The following NLGN1 variants were observed in gnomAD, a reference collection of about 807,000 sequenced individuals.
NLGN1 encodes neuroligin 1, also known as neuroligin-1.
NLGN1 carries 12 observed loss-of-function variants against 65.5 expected under a neutral mutation model. The ratio of observed to expected loss-of-function variants is 0.18; its 90% CI spans 0.12 to 0.30. The LOEUF is 0.30. Among genes scored for constraint, NLGN1 ranks in the 10% least tolerant of loss-of-function variants. The pLI is 1.00. For synonymous variants in NLGN1, 350 were observed against 359.5 expected (o/e 0.97, Z 0.30); for missense variants, 750 against 1,007.1 (o/e 0.74, Z 3.46).
intron 3 of NLGN1, among the ~76,000 whole-genome samples, chr3:173,734,114 G>T (rs1479216387): frequency 6.6e-6 from 1 of 151,970 alleles, no homozygotes; most frequent in Non-Finnish European, 1.5e-5. Flanking sequence ...TATTCCTGCA[G>T]AAATAATCAG....
intron 2 of NLGN1, among the ~76,000 whole-genome samples, chr3:173,491,101 G>T (rs1180002862): frequency 6.6e-6 from 1 of 151,882 alleles, no homozygotes; most frequent in East Asian, 1.9e-4. Flanking sequence ...TCTCCTGCCT[G>T]ATTGCCGTGG....
At chr3:173,421,609 G>C (rs1011264514) in intron 1 of NLGN1, among the ~76,000 whole-genome samples, 6 of 151,686 alleles carry the variant, frequency 4.0e-5, no homozygotes, top group African/African-American at 1.5e-4. Context: ...GGCTCAAGCA[G>C]TTCTTCTGCC....
chr3:173,602,153 A>T (rs960203167), intron 2 of NLGN1, among the ~76,000 whole-genome samples: 3 of 152,070 alleles, frequency 2.0e-5, no homozygotes, highest in Admixed American at 2.0e-4. Flanking sequence ...ATAACTGTTG[A>T]ATCCACTTCA....
At chr3:174,008,363 C>T (rs142110245) in intron 4 of NLGN1, among the ~76,000 whole-genome samples, 4 of 133,776 alleles carry the variant, frequency 3.0e-5, no homozygotes, top group Admixed American at 7.7e-5. Flanking sequence ...CCCCACCCCC[C>T]GCCCACGGAG....
intron 2 of NLGN1, among the ~76,000 whole-genome samples, chr3:173,507,287 A>G (rs980200080): frequency 6.6e-6 from 1 of 152,040 alleles, no homozygotes; most frequent in African/African-American, 2.4e-5. Flanking sequence ...TGTCACACTG[A>G]GAGTGGAGGA....
intron 3 of NLGN1, among the ~76,000 whole-genome samples, chr3:173,739,791 A>G (rs917403868): frequency 2.0e-5 from 3 of 152,136 alleles, no homozygotes; most frequent in African/African-American, 7.2e-5. Flanking sequence ...TCCTCAGTAA[A>G]TAAACCATTT....
intron 4 of NLGN1, among the ~76,000 whole-genome samples, chr3:174,016,892 A>G (rs1726666023): frequency 6.6e-6 from 1 of 152,158 alleles, no homozygotes; most frequent in Non-Finnish European, 1.5e-5. Context: ...TATTTTTGCC[A>G]GAAACATTGG....
chr3:173,635,723 T>A (rs901384623), intron 3 of NLGN1, among the ~76,000 whole-genome samples: 15 of 152,190 alleles, frequency 9.9e-5, no homozygotes, highest in African/African-American at 3.6e-4. Context: ...CTGTTATTAA[T>A]TAGAGGCATA....
At chr3:173,419,306 G>A (rs1714524184) in intron 1 of NLGN1, among the ~76,000 whole-genome samples, 1 of 150,030 alleles carries the variant, frequency 6.7e-6, no homozygotes, top group Non-Finnish European at 1.5e-5. Context: ...GGTGAGGTTG[G>A]AATGTCTCTG....
chr3:174,073,959 G>T (rs1044439641), intron 4 of NLGN1, among the ~76,000 whole-genome samples: 2 of 152,140 alleles, frequency 1.3e-5, no homozygotes, highest in Non-Finnish European at 2.9e-5. Flanking sequence ...CTGGAATGAG[G>T]TAATAAGCAA....
chr3:173,604,840 T>G, exon 3 of NLGN1: 1 of 1,613,776 alleles, frequency 6.2e-7, no homozygotes, highest in South Asian at 1.1e-5. Flanking sequence ...ATTCAATTTC[T>G]TGGGGTTCCA....
chr3:174,275,836 G>A (rs543478889), intron 5 of NLGN1, among the ~76,000 whole-genome samples: 1 of 151,892 alleles, frequency 6.6e-6, no homozygotes, highest in South Asian at 2.1e-4. Context: ...CTACAGTTTT[G>A]TCATCTTTGT....
intron 4 of NLGN1, among the ~76,000 whole-genome samples, chr3:174,156,581 G>GTA (rs1725478962): frequency 6.6e-6 from 1 of 151,654 alleles, no homozygotes; most frequent in South Asian, 2.1e-4. Flanking sequence ...CATATTTAGT[G>GTA]TATCAAAGGT....
At chr3:173,517,979 A>G (rs1038295182) in intron 2 of NLGN1, among the ~76,000 whole-genome samples, 5 of 152,200 alleles carry the variant, frequency 3.3e-5, no homozygotes, top group Admixed American at 3.3e-4. Context: ...ATATTCTCAT[A>G]CAACCATCCT....
intron 2 of NLGN1, among the ~76,000 whole-genome samples, chr3:173,491,273 A>G (rs1194119248): frequency 2.6e-5 from 4 of 151,886 alleles, no homozygotes; most frequent in Admixed American, 1.3e-4. Context: ...CGTCCCATCA[A>G]TACCTAACTT....
intron 2 of NLGN1, among the ~76,000 whole-genome samples, chr3:173,553,894 C>T (rs9290474): frequency 1.3e-5 from 2 of 151,886 alleles, no homozygotes; most frequent in Non-Finnish European, 1.5e-5. Context: ...ATTTTTGGAT[C>T]GGAAAGGAGA....
chr3:173,824,029 A>C (rs897908883), intron 4 of NLGN1, among the ~76,000 whole-genome samples: 1 of 152,002 alleles, frequency 6.6e-6, no homozygotes, highest in Non-Finnish European at 1.5e-5. Context: ...GAGTGTTTCT[A>C]AGATCAGTTT....
chr3:173,460,481 T>A (rs919514844), intron 2 of NLGN1, among the ~76,000 whole-genome samples: 1 of 152,150 alleles, frequency 6.6e-6, no homozygotes, highest in African/African-American at 2.4e-5. Flanking sequence ...CCAGCTAAGA[T>A]TGAACTATTA....
intron 3 of NLGN1, among the ~76,000 whole-genome samples, chr3:173,737,685 T>C (rs1436975221): frequency 6.6e-6 from 1 of 152,102 alleles, no homozygotes; most frequent in African/African-American, 2.4e-5. Flanking sequence ...TTTTCTACTT[T>C]TTGGTTAGTA....
Sources: allele counts gnomAD v4.1 joint callset (sites outside exome capture counted in the v4.1 genomes callset), GRCh38; gene constraint gnomAD v4.1.1; transcripts MANE v1.5; gene names NCBI Gene and HGNC (gene_info 2026-07-23, HGNC 2026-07-21).